Variants in ANKRD28 observed in about 807,000 individuals in gnomAD.
The protein encoded by ANKRD28 is serine/threonine-protein phosphatase 6 regulatory ankyrin repeat subunit A.
A neutral mutation model predicts 126.5 loss-of-function variants in ANKRD28; 44 were observed. The observed-to-expected ratio is 0.35, with a 90% CI of 0.27 to 0.45. The LOEUF is 0.45. ANKRD28 is among the 20% of genes least tolerant of loss of function. The pLI, the probability that ANKRD28 is intolerant of heterozygous loss-of-function variation, is 1.00. For synonymous variants in ANKRD28, 442 were observed against 468.5 expected, an observed-to-expected ratio of 0.94 and a Z score of 0.73; for missense variants, 1,110 against 1,316.6, an observed-to-expected ratio of 0.84 and a Z score of 2.43.
At chr3:15,714,121 A>C (rs902521087) in intron 9 of ANKRD28, among the ~76,000 whole-genome samples, 4 of 152,176 alleles carry the variant, frequency 2.6e-5, no homozygotes, top group African/African-American at 9.7e-5. Context: ...AATACACCTA[A>C]AAGTTCTTTT....
At position 15,814,020 on chromosome 3, in the gene ANKRD28, TTTAC is replaced by T. The variant is rs1324827251; in HGVS notation, c.28-18718_28-18715del. On this transcript the variant is annotated intron_variant, in intron 1 of 27. Transcript: ENST00000399451. The surrounding 1 kb of genome is among the most constrained non-coding windows in gnomAD (Gnocchi z 4.7). Reference sequence around the variant, plus strand: ...ATTTATAAGCCCCCTCCACTGAAAATTTACTTGAATTATAAAACGGCTATACTAA... The same window carrying T: ...ATTTATAAGCCCCCTCCACTGAAAATTTGAATTATAAAACGGCTATACTAA... Among the ~76,000 whole-genome samples, 1 of 152,168 alleles carries T rather than the reference TTTAC, an allele frequency of 6.6e-6. No homozygotes were observed. The highest frequency in any genetic ancestry group is 1.5e-5 in the Non-Finnish European group (1 of 68,018).
chr3:15,691,202 A>G (rs1323852790), intron 17 of ANKRD28, among the ~76,000 whole-genome samples: 1 of 151,030 alleles, frequency 6.6e-6, no homozygotes, highest in Non-Finnish European at 1.5e-5. Flanking sequence ...AGCTCACTGC[A>G]ACCTCCGCCT....
chr3:15,683,747 TG>T (rs1166117366), intron 21 of ANKRD28: 2 of 152,204 alleles, frequency 1.3e-5, no homozygotes, highest in Non-Finnish European at 2.9e-5. Flanking sequence ...GAAATACTTG[TG>T]GAAACATTTA....
chr3:15,799,614 G>A (rs1213273583), upstream of ANKRD28, among the ~76,000 whole-genome samples: 2 of 151,970 alleles, frequency 1.3e-5, no homozygotes, highest in East Asian at 3.8e-4. Context: ...AACAACTATA[G>A]TAACAATATC....
At chr3:15,802,533 T>A (rs1489431211), upstream of ANKRD28, among the ~76,000 whole-genome samples, 1 of 152,172 alleles carries the variant, frequency 6.6e-6, no homozygotes, top group Non-Finnish European at 1.5e-5. Context: ...TCTTCCAACA[T>A]CCATACTCCA....
rs917168368 is a variant in ANKRD28 at position 15,730,186 on chromosome 3, T to C, written c.640+5224A>G. Among the ~76,000 whole-genome samples, 13 of 152,138 alleles carry C rather than the reference T, an allele frequency of 8.5e-5. 1 individual carries two copies. Among genetic ancestry groups the C allele is most frequent in the Admixed American group, 6.5e-4 (10 of 15,278 alleles). On this transcript the variant is annotated intron_variant, in intron 6 of 27. Transcript: ENST00000683139. ...TAAAAAATATTTATTCAGTACCTTC[T>C]GTGTCAAAGTCATCACAATAAAGTA...
intron 1 of ANKRD28, among the ~76,000 whole-genome samples, chr3:15,825,489 C>A (rs1303160906): frequency 6.6e-6 from 1 of 151,734 alleles, no homozygotes; most frequent in African/African-American, 2.4e-5. Context: ...AACTGCACAT[C>A]GTATACAAGA....
At chr3:15,709,629 TA>T in intron 13 of ANKRD28, 38 bp downstream of exon 13, 3 of 1,411,204 alleles carry the variant, frequency 2.1e-6, no homozygotes, top group Non-Finnish European at 2.9e-6. Context: ...AGTTATTAAG[TA>T]AAAATAGGCT....
intron 2 of ANKRD28, among the ~76,000 whole-genome samples, chr3:15,772,810 C>T (rs955188164): frequency 6.6e-6 from 1 of 152,178 alleles, no homozygotes; most frequent in Non-Finnish European, 1.5e-5. Context: ...CCTCAGCCTC[C>T]TGAGTAGCTG....
chr3:15,777,876 A>G (rs2059362264), intron 2 of ANKRD28, among the ~76,000 whole-genome samples: 1 of 150,586 alleles, frequency 6.6e-6, no homozygotes, highest in African/African-American at 2.4e-5. Flanking sequence ...ACACACACAC[A>G]CACACACACA....
At chr3:15,758,480 T>C (rs2058286002) in intron 3 of ANKRD28, among the ~76,000 whole-genome samples, 1 of 152,172 alleles carries the variant, frequency 6.6e-6, no homozygotes, top group Admixed American at 6.5e-5. Context: ...TGACTTTAAC[T>C]GGAGATAGAC....
intron 17 of ANKRD28, among the ~76,000 whole-genome samples, chr3:15,692,045 C>T (rs1969095): frequency 0.5 from 74,674 of 150,770 alleles, 20,399 homozygotes; most frequent in Middle Eastern, 0.61. Context: ...GAGGCTGAGG[C>T]GGAAGTATCA....
At chr3:15,728,831 T>TA (rs1259787638) in intron 6 of ANKRD28, among the ~76,000 whole-genome samples, 6 of 152,210 alleles carry the variant, frequency 3.9e-5, no homozygotes, top group Non-Finnish European at 7.3e-5. Context: ...TTAACCAACT[T>TA]AGTTTACTCA....
intron 4 of ANKRD28, among the ~76,000 whole-genome samples, chr3:15,737,619 C>G (rs2075116966): frequency 2.9e-5 from 1 of 34,076 alleles, no homozygotes; most frequent in Non-Finnish European, 5.8e-5. Context: ...TGCATGCCAC[C>G]ACCCCTGGCT....
At position 15,751,827 on chromosome 3, in the gene ANKRD28, C is replaced by T; in HGVS notation, c.281-7G>A. 2 of 1,540,718 alleles carry T rather than the reference C, an allele frequency of 1.3e-6. No individual in the cohort carries two copies. The highest frequency in any genetic ancestry group is 1.8e-6 in the Non-Finnish European group (2 of 1,139,234). ...TTGGCATTAACTCTAGCTCCTGCAA[C>T]AAGAAGAAAAAAATAAATTGAAATA... On this transcript the variant is annotated splice_region_variant and splice_polypyrimidine_tract_variant and intron_variant, in intron 3 of 27. Coordinates refer to ENST00000683139, the MANE Select transcript of ANKRD28 (RefSeq NM_001349278.2).
At chr3:15,824,857 C>T (rs1381553002) in intron 1 of ANKRD28, among the ~76,000 whole-genome samples, 1 of 152,180 alleles carries the variant, frequency 6.6e-6, no homozygotes, top group African/African-American at 2.4e-5. Context: ...GCAAAGTTGA[C>T]CAGGATGCAG....
intron 14 of ANKRD28, among the ~76,000 whole-genome samples, chr3:15,697,066 C>G (rs9811615): frequency 0.041 from 6,272 of 151,940 alleles, 424 homozygotes; most frequent in African/African-American, 0.14. Flanking sequence ...CGAACGAGTG[C>G]GTAAAGAAAA....
In ANKRD28 at chr3:15,843,859, T is replaced by G. The variant is rs1357708051; in HGVS notation, c.27+15518A>C. 6.6e-6 allele frequency among the ~76,000 whole-genome samples: 1 copy of G among 151,808 alleles called. No homozygotes were observed. The highest frequency in any genetic ancestry group is 1.5e-5 in the Non-Finnish European group (1 of 67,964). On this transcript the variant is annotated intron_variant, in intron 1 of 27. Coordinates refer to the ANKRD28 transcript ENST00000399451. The surrounding 1 kb of genome is among the most constrained non-coding windows in gnomAD (Gnocchi z 5.2). The stretch of plus-strand genomic sequence containing the variant: ...TATCAATACGAAAGCAATGGGCAAG[T>G]TGCAAGAGGCAGAAGATGGAGATGA...
At position 15,695,223 on chromosome 3, in the gene ANKRD28, A is replaced by G. The variant is rs563527420; in HGVS notation, c.1660-9T>C. The G allele has an allele frequency of 3.2e-5, 51 of 1,572,588 alleles. 1 individual carries two copies. In the East Asian group the frequency reaches 1.1e-3, roughly 34 times the overall value. On this transcript the variant is annotated splice_polypyrimidine_tract_variant and intron_variant, in intron 15 of 27. Transcript: ENST00000683139. ...GGAGTTTCACTTGCAATCTGAAATA[A>G]AAGTCAAAACAAAAATATTTAGCTT...
Sources: allele counts gnomAD v4.1 joint callset (sites outside exome capture counted in the v4.1 genomes callset), GRCh38; gene constraint gnomAD v4.1.1; non-coding constraint Gnocchi (gnomAD v3.1); transcripts MANE v1.5; gene names NCBI Gene and HGNC (gene_info 2026-07-23, HGNC 2026-07-21).